Variants in POSTN observed in about 807,000 individuals in gnomAD.
POSTN encodes the protein periostin.
A neutral mutation model predicts 104.5 loss-of-function variants in POSTN; 71 were observed. That is an observed-to-expected ratio of 0.68 (90% CI 0.56 to 0.83). The LOEUF (loss-of-function observed/expected upper bound fraction) is 0.83, where lower values mean the gene tolerates loss of function less well. POSTN is among the 40% of genes least tolerant of loss of function. POSTN has a pLI of 0.00. For synonymous variants in POSTN, 355 were observed against 340.7 expected (o/e 1.04, Z -0.46); for missense variants, 949 against 1,006.8 (o/e 0.94, Z 0.78).
chr13:37,574,786 A>G, intron 16 of POSTN, 134 bp from the exon 17 acceptor site: 1 of 1,172,708 alleles, frequency 8.5e-7, no homozygotes, highest in Non-Finnish European at 1.1e-6. Context: ...TCAGGCAGTC[A>G]GATACAGGAA....
chr13:37,569,762 T>C lies in POSTN; in HGVS notation c.2329A>G (p.Lys777Glu), dbSNP rs761882356. 4 of 1,601,222 alleles carry C rather than the reference T, an allele frequency of 2.5e-6. No homozygotes were observed. Among genetic ancestry groups the C allele is most frequent in the Non-Finnish European group, 3.4e-6 (4 of 1,169,150 alleles). ...TGGGETEETL[K>E]KLLQEEVTKV... is the part of the protein sequence containing the mutation. ...TGCTGACCTTCTTGTAACAATTTCTTCAGAGTTTCTTCTGTTTCTCCACCT... is the reference window on the plus strand; with the variant it reads ...TGCTGACCTTCTTGTAACAATTTCTCCAGAGTTTCTTCTGTTTCTCCACCT... Residue 777 changes from lysine (K) to glutamate (E), a missense_variant, in exon 20 of 23, where the codon AAG (lysine) becomes GAG (glutamate). Lys to Glu is a moderately conservative substitution (Grantham distance 56). Transcript: ENST00000379747.
In POSTN at chr13:37,584,861, A is replaced by T. The variant is rs1566026920; in HGVS notation, c.963T>A (p.Phe321Leu). Residue 321 changes from phenylalanine (F) to leucine (L), a missense_variant, in exon 8 of 23, where the codon TTT becomes TTA. Phe to Leu is a conservative substitution (Grantham distance 22). Transcript: ENST00000379747. ...CSESIMGGAV[F>L]ETLEGNTIEI... ...CAATTGTATTTCCTTCCAGCGTCTC[A>T]AAGACTGCTCCTCCCATAATAGACT... The T allele has an allele frequency of 6.2e-7, 1 of 1,613,796 alleles. No individual in the cohort carries two copies. Among genetic ancestry groups the T allele is most frequent in the Admixed American group, 1.7e-5 (1 of 59,978 alleles).
chr13:37,569,634 G>T, intron 20 of POSTN, 110 bp downstream of exon 20: 2 of 948,826 alleles, frequency 2.1e-6, no homozygotes, highest in Non-Finnish European at 3.4e-6. Context: ...TGTTGGTATG[G>T]AAATGAACAA....
rs533948185 is a variant in POSTN at position 37,581,546 on chromosome 13, C to A, written c.1392+820G>T. Among the ~76,000 whole-genome samples the A allele has an allele frequency of 4.6e-5, 7 of 152,130 alleles. No homozygotes were observed. The East Asian group carries it at 1.4e-3, about 29-fold the overall frequency. On this transcript the variant is annotated intron_variant, in intron 10 of 22. Transcript: ENST00000379747. ...ACCAGCCTGGGAAATGTAGCAAGAC[C>A]CTGTCTCAAGAAAAATTAAATTAAA... is the stretch of plus-strand genomic sequence containing the variant.
intron 19 of POSTN, 27 bp from the exon 20 acceptor site, chr13:37,569,848 T>TA: frequency 6.7e-7 from 1 of 1,503,304 alleles, no homozygotes; most frequent in Non-Finnish European, 9.2e-7. Flanking sequence ...GAAAAAGGTC[T>TA]AAAACAGAAG....
chr13:37,584,159 A>G, intron 8 of POSTN, 56 bp from the exon 9 acceptor site: 2 of 1,595,524 alleles, frequency 1.3e-6, no homozygotes, highest in Non-Finnish European at 1.7e-6. Context: ...TATCTCCATC[A>G]TGAAACTAGT....
rs1166701642 is a variant in POSTN at position 37,577,799 on chromosome 13, C to T, written c.1963-1G>A. The T allele has an allele frequency of 6.2e-7, 1 of 1,613,156 alleles. No homozygotes were observed. Among genetic ancestry groups the T allele is most frequent in the African/African-American group, 1.3e-5 (1 of 74,860 alleles). ...CTTTGAAGGTGCTACCACGAACAAA[C>T]TGAAAATAAATGTTTATATTTAGTA... is the stretch of plus-strand genomic sequence containing the variant. On this transcript the variant is annotated splice_acceptor_variant, in intron 15 of 22. Transcript: ENST00000379747. LOFTEE classifies it high-confidence loss of function.
At position 37,564,554 on chromosome 13, in the gene POSTN, G is replaced by T; in HGVS notation, c.2438C>A (p.Pro813His). 6.3e-7 allele frequency: 1 copy of T among 1,593,856 alleles called. No homozygotes were observed. Among genetic ancestry groups the T allele is most frequent in the Non-Finnish European group, 8.6e-7 (1 of 1,164,366 alleles). The change falls in exon 22 of 23, where the codon CCC becomes CAC. Residue 813 changes from proline (P) to histidine (H), a missense_variant. Coordinates refer to ENST00000379747, the MANE Select transcript of POSTN (RefSeq NM_006475.3). ...TTTGTTGGCTTGCAACTTCCTCACG[G>T]GTGTGTCTAAAATTAAATTGTTGTA... Reference protein sequence around the residue: ...EIKRLLQGDTPVRKLQANKKV... With the variant: ...EIKRLLQGDTHVRKLQANKKV...
intron 2 of POSTN, 141 bp from the exon 3 acceptor site, chr13:37,592,305 C>A: frequency 1.6e-6 from 1 of 613,316 alleles, no homozygotes; most frequent in Non-Finnish European, 2.8e-6. Context: ...CTGATTTTTT[C>A]TTTTTTCTTT....
At chr13:37,565,287 T>C (rs2138134502) in intron 21 of POSTN, 1 of 152,170 alleles carries the variant, frequency 6.6e-6, no homozygotes, top group South Asian at 2.1e-4. Flanking sequence ...TCTTTTAGTT[T>C]ATTGACAAGA....
intron 16 of POSTN, among the ~76,000 whole-genome samples, chr13:37,576,367 G>A (rs1413804817): frequency 6.6e-6 from 1 of 152,118 alleles, no homozygotes; most frequent in Non-Finnish European, 1.5e-5. Context: ...TCTTACATTG[G>A]AATGTAAATG....
intron 18 of POSTN, chr13:37,571,138 G>T (rs1950251907): frequency 4.9e-6 from 2 of 411,942 alleles, no homozygotes; most frequent in Non-Finnish European, 4.3e-6. Context: ...ATGACATTTT[G>T]TTGGGCCCAG....
chr13:37,577,087 G>C (rs1950430966), intron 16 of POSTN, among the ~76,000 whole-genome samples: 1 of 152,000 alleles, frequency 6.6e-6, no homozygotes, highest in Non-Finnish European at 1.5e-5. Context: ...AGAGAGAAAA[G>C]ATAAACAGAG....
intron 22 of POSTN, among the ~76,000 whole-genome samples, chr13:37,563,826 A>G (rs1181703800): frequency 1.3e-5 from 2 of 151,992 alleles, no homozygotes; most frequent in African/African-American, 4.8e-5. Context: ...AGCTTCCACA[A>G]GGGAAATTCT....
Position 37,563,363 on chromosome 13 carries a change from T to C in POSTN, c.2481A>G (p.Arg827=). 1 of 1,583,060 alleles carries C rather than the reference T, an allele frequency of 6.3e-7. No individual in the cohort carries two copies. The highest frequency in any genetic ancestry group is 8.6e-7 in the Non-Finnish European group (1 of 1,157,330). ...LQANKKVQGS[R]RRLREGRSQ ...GAGAACGACCTTCCCTTAATCGTCT[T>C]CTAGATCCTAATTAGAAAGAAAGGA... The change falls in exon 23 of 23, where the codon AGA becomes AGG. Residue 827 remains arginine (R), a synonymous_variant. Transcript: ENST00000379747.
intron 4 of POSTN, among the ~76,000 whole-genome samples, chr13:37,589,820 G>A (rs1950875057): frequency 6.6e-6 from 1 of 152,036 alleles, no homozygotes; most frequent in Non-Finnish European, 1.5e-5. Flanking sequence ...TATAGATTCG[G>A]AAATTGAGTA....
At chr13:37,572,410 A>G (rs1950286462) in intron 17 of POSTN, among the ~76,000 whole-genome samples, 1 of 151,676 alleles carries the variant, frequency 6.6e-6, no homozygotes, top group African/African-American at 2.4e-5. Context: ...ATGCCATAAT[A>G]TTTGATATAT....
At chr13:37,588,344 T>G (rs1950818792) in intron 4 of POSTN, among the ~76,000 whole-genome samples, 2 of 152,112 alleles carry the variant, frequency 1.3e-5, no homozygotes. Context: ...AAAATGACAT[T>G]ATATTTGTAT....
Position 37,579,315 on chromosome 13 carries a change from G to T in POSTN, c.1705C>A (p.Pro569Thr). 1 of 1,597,062 alleles carries T rather than the reference G, an allele frequency of 6.3e-7. No individual in the cohort carries two copies. Among genetic ancestry groups the T allele is most frequent in the Non-Finnish European group, 8.6e-7 (1 of 1,164,660 alleles). Reference protein sequence around the residue: ...LQNIILYHLTPGVFIGKGFEP... With the variant: ...LQNIILYHLTTGVFIGKGFEP... The stretch of plus-strand genomic sequence containing the variant: ...AATCCTTTTCCAATGAAAACTCCTG[G>T]TGTCAGGTGATAAAGAATGATGTTT... The change falls in exon 13 of 23, where the codon CCA (proline) becomes ACA (threonine). Residue 569 changes from proline to threonine, a missense_variant. Physicochemically the swap from Pro to Thr is conservative, Grantham distance 38. Coordinates refer to ENST00000379747, the MANE Select transcript of POSTN (RefSeq NM_006475.3).
Sources: gnomAD v4.1 joint callset for allele counts (sites outside exome capture counted in the v4.1 genomes callset) on GRCh38, gnomAD v4.1.1 for gene constraint, MANE v1.5 for transcripts, NCBI Gene and HGNC (gene_info 2026-07-23, HGNC 2026-07-21) for gene names.